Variants in IKZF4 observed in about 807,000 individuals in gnomAD.
The protein encoded by IKZF4 is IKAROS family zinc finger 4, also known as zinc finger protein Eos.
A neutral mutation model predicts 47.7 loss-of-function variants in IKZF4; 11 were observed. The observed-to-expected ratio is 0.23, with a 90% confidence interval of 0.15 to 0.38. IKZF4 has a LOEUF of 0.38. Among genes scored for constraint, IKZF4 ranks in the 10% least tolerant of loss-of-function variants. IKZF4 has a pLI of 1.00. For synonymous variants in IKZF4, 298 were observed against 299.4 expected (o/e 1.00, Z 0.05); for missense variants, 557 against 784.9 (o/e 0.71, Z 3.47).
At position 56,034,846 on chromosome 12, in the gene IKZF4, C is replaced by G. The variant is rs577915827; in HGVS notation, c.1273C>G (p.Pro425Ala). 6.2e-7 allele frequency: 1 copy of G among 1,613,440 alleles called. No homozygotes were observed. Among genetic ancestry groups the G allele is most frequent in the Admixed American group, 1.7e-5 (1 of 59,864 alleles). ...LPGSREAGEG[P>A]EDLADGGPLL... ...AGGATCCCGAGAAGCAGGTGAGGGA[C>G]CTGAGGACCTGGCTGATGGAGGTCC... is the stretch of plus-strand genomic sequence containing the variant. Residue 425 changes from proline (P) to alanine (A), a missense_variant, in exon 8 of 8, where the codon CCT becomes GCT. Around this residue, in one of 6 missense-constraint regions of IKZF4, gnomAD observed 280 missense variants for 314.0 expected, o/e 0.89. Coordinates refer to ENST00000547167, the MANE Select transcript of IKZF4 (RefSeq NM_022465.4).
Position 56,021,309 on chromosome 12 carries a change from C to CAT in IKZF4, c.-184_-183insTA, listed in dbSNP as rs1352788135. The CAT allele has an allele frequency of 1.3e-6, 2 of 1,522,532 alleles. No individual in the cohort carries two copies. The highest frequency in any genetic ancestry group is 2.8e-5 in the African/African-American group (2 of 71,924). The allele number at this position is 1,522,532 out of a possible 1,614,324, so 94.3% of individuals were successfully genotyped here. A position where few individuals can be genotyped will look rare whatever the true frequency, so the allele number is the denominator to read the frequency against. On this transcript the variant is annotated 5_prime_UTR_variant, in exon 1 of 8. Transcript: ENST00000547167. ...TCTCTCTCTCTCACACACACACACACACACACACTCAACACACATACACCC... is the reference window on the plus strand; with the variant it reads ...TCTCTCTCTCTCACACACACACACACATACACACACTCAACACACATACACCC...
intron 2 of IKZF4, chr12:56,024,090 A>G: frequency 3.9e-6 from 1 of 257,790 alleles, no homozygotes; most frequent in Non-Finnish European, 6.1e-6. Context: ...TTTAAAAAAG[A>G]CATTCATATC....
intron 5 of IKZF4, among the ~76,000 whole-genome samples, chr12:56,030,665 G>A (rs528965120): frequency 1.7e-4 from 26 of 152,004 alleles, no homozygotes; most frequent in East Asian, 1.4e-3. Flanking sequence ...GGAGGCAGAG[G>A]TTGCAGTAAG....
chr12:56,032,535 T>C (rs1230823277), intron 5 of IKZF4, 26 bp from the exon 6 acceptor site: 2 of 1,595,704 alleles, frequency 1.3e-6, no homozygotes, highest in African/African-American at 2.7e-5. Flanking sequence ...ATAGCTCTGA[T>C]GCCATCTTTC....
chr12:56,021,490 A>T lies in IKZF4; in HGVS notation c.-4A>T. 1 of 1,599,642 alleles carries T rather than the reference A, an allele frequency of 6.3e-7. No individual in the cohort carries two copies. The highest frequency in any genetic ancestry group is 8.5e-7 in the Non-Finnish European group (1 of 1,174,138). The stretch of plus-strand genomic sequence containing the variant: ...TCACCCCTGCCTGCCACTGAGACGC[A>T]GACATGCATACACCACCCGCACTCC... On this transcript the variant is annotated 5_prime_UTR_variant, in exon 1 of 8. Coordinates refer to ENST00000547167, the MANE Select transcript of IKZF4 (RefSeq NM_022465.4).
upstream of IKZF4, among the ~76,000 whole-genome samples, chr12:56,017,112 C>T (rs1892185750): frequency 6.6e-6 from 1 of 151,768 alleles, no homozygotes; most frequent in African/African-American, 2.4e-5. Flanking sequence ...TAATTCATTG[C>T]AACAAATTAT....
intron 5 of IKZF4, among the ~76,000 whole-genome samples, chr12:56,029,015 C>A (rs1894505682): frequency 6.6e-6 from 1 of 152,214 alleles, no homozygotes; most frequent in Admixed American, 6.5e-5. Flanking sequence ...TCTTCACCCT[C>A]CTTCCTCCCA....
chr12:56,010,841 G>T (rs1482759503), intron 1 of IKZF4, among the ~76,000 whole-genome samples: 3 of 152,024 alleles, frequency 2.0e-5, no homozygotes, highest in Non-Finnish European at 4.4e-5. Context: ...CCCTGCCCTA[G>T]ACCCTCCACA....
rs751298538 is a variant in IKZF4, at chr12:56,023,786, C to T, written c.181+22C>T. 96 of 1,610,032 alleles carry T rather than the reference C, an allele frequency of 6.0e-5. 1 individual carries two copies. In the Admixed American group the frequency reaches 1.6e-3, roughly 26 times the overall value. On this transcript the variant is annotated intron_variant, in intron 2 of 7. Coordinates refer to ENST00000547167, the MANE Select transcript of IKZF4 (RefSeq NM_022465.4). Reference sequence around the variant, plus strand: ...GAAAGTAAGTATGTGCATAGCTGGGCAATTGGGTAAAGTACTAATAGGTGG... The same window carrying T: ...GAAAGTAAGTATGTGCATAGCTGGGTAATTGGGTAAAGTACTAATAGGTGG...
At chr12:56,009,297 C>G (rs764980965) in intron 1 of IKZF4, among the ~76,000 whole-genome samples, 1 of 152,196 alleles carries the variant, frequency 6.6e-6, no homozygotes, top group Non-Finnish European at 1.5e-5. Context: ...TATCTGACTA[C>G]CTAGAATATT....
chr12:56,010,039 GTCTC>G (rs148968431), intron 1 of IKZF4: 6 of 143,632 alleles, frequency 4.2e-5, no homozygotes, highest in East Asian at 2.0e-4. Context: ...CTCTCTCTCT[GTCTC>G]TCTCTCTCTC....
At chr12:56,031,118 G>C (rs1203780411) in intron 5 of IKZF4, among the ~76,000 whole-genome samples, 3 of 152,080 alleles carry the variant, frequency 2.0e-5, no homozygotes, top group African/African-American at 7.2e-5. Flanking sequence ...TGGGCATGGT[G>C]GTGGGCGCCT....
In IKZF4 at chr12:56,023,215, T is replaced by C. The variant is rs1030997706; in HGVS notation, c.88-456T>C. 6.6e-5 allele frequency among the ~76,000 whole-genome samples: 10 copies of C among 152,224 alleles called. No homozygotes were observed. The South Asian group carries it at 1.0e-3, about 16-fold the overall frequency. On this transcript the variant is annotated intron_variant, in intron 1 of 7. Transcript: ENST00000547167. ...GGACCAGTGATGGATTTCCAACAAG[T>C]TCACTCATCCTTTTAGGGTCAAGGC... is the stretch of plus-strand genomic sequence containing the variant.
At chr12:56,014,500 A>C (rs1449717627) in intron 2 of IKZF4, among the ~76,000 whole-genome samples, 1 of 152,204 alleles carries the variant, frequency 6.6e-6, no homozygotes, top group Non-Finnish European at 1.5e-5. Context: ...GCATGCACAC[A>C]AACACACACA....
chr12:56,022,054 T>G (rs1276950882), intron 1 of IKZF4, among the ~76,000 whole-genome samples: 1 of 152,104 alleles, frequency 6.6e-6, no homozygotes, highest in African/African-American at 2.4e-5. Context: ...CACTATTCCC[T>G]GCTAGCAGGC....
Position 56,015,077 on chromosome 12 carries a change from CTTGTT to C in IKZF4, c.-213-3037_-213-3033del, listed in dbSNP as rs761602315. Among the ~76,000 whole-genome samples, 26 of 151,954 alleles carry C rather than the reference CTTGTT, an allele frequency of 1.7e-4. 1 individual carries two copies. Among genetic ancestry groups the C allele is most frequent in the Admixed American group, 5.2e-4 (8 of 15,258 alleles). ...GAAGTTTCAAGTGGCACTTTGTGGG[CTTGTT>C]TTGTTTTGTTTGAGACAGAGTCTTG... On this transcript the variant is annotated intron_variant, in intron 2 of 11. Coordinates refer to the IKZF4 transcript ENST00000262032.
intron 3 of IKZF4, 44 bp from the exon 4 acceptor site, chr12:56,026,737 C>T (rs746197205): frequency 1.4e-6 from 2 of 1,421,164 alleles, no homozygotes; most frequent in Non-Finnish European, 1.9e-6. Context: ...GGAGCAGCTT[C>T]CCCCTTTGCC....
At position 56,034,558 on chromosome 12, in the gene IKZF4, C is replaced by T. The variant is rs571945701; in HGVS notation, c.998-13C>T. Reference sequence around the variant, plus strand: ...CTCCAAACCCAGCCCTGCTGAGTTCCTGTTCTCCACAGGCGAAAAGCAGAT... The same window carrying T: ...CTCCAAACCCAGCCCTGCTGAGTTCTTGTTCTCCACAGGCGAAAAGCAGAT... On this transcript the variant is annotated splice_polypyrimidine_tract_variant and intron_variant, in intron 7 of 7. Transcript: ENST00000547167. 9 of 1,586,058 alleles carry T rather than the reference C, an allele frequency of 5.7e-6. No individual in the cohort carries two copies. In the South Asian group the frequency reaches 5.7e-5, roughly 10 times the overall value.
At chr12:56,011,946 T>G (rs1426752633) in intron 2 of IKZF4, among the ~76,000 whole-genome samples, 2 of 152,154 alleles carry the variant, frequency 1.3e-5, no homozygotes, top group Non-Finnish European at 2.9e-5. Context: ...TTTCAACATA[T>G]TTTTGCTCAG....
Sources: allele counts gnomAD v4.1 joint callset (sites outside exome capture counted in the v4.1 genomes callset), GRCh38; gene constraint gnomAD v4.1.1; regional missense constraint gnomAD v4.1.1; transcripts MANE v1.5; gene names NCBI Gene and HGNC (gene_info 2026-07-23, HGNC 2026-07-21).